IGFL2: variants seen among roughly 807,000 people sequenced by gnomAD.
IGFL2 encodes the protein IGF like family member 2.
IGFL2 carries 7 observed loss-of-function variants against 13.9 expected under a neutral mutation model. The observed-to-expected ratio is 0.51, with a 90% CI of 0.29 to 0.95. IGFL2 has a LOEUF of 0.95. Ranked by LOEUF, IGFL2 falls within the 40% of genes least tolerant of loss-of-function variation. The probability of loss-of-function intolerance (pLI) is 0.08; values close to 1 mark genes in which losing one functional copy is unlikely to be tolerated. For missense variants in IGFL2, 138 were observed against 147.8 expected, an observed-to-expected ratio of 0.93 and a Z score of 0.34; for synonymous variants, 55 against 55.8, an observed-to-expected ratio of 0.99 and a Z score of 0.07.
At chr19:46,136,441 T>TA in the IGFL2 span, among the ~76,000 whole-genome samples, 1 of 152,022 alleles carries the variant, frequency 6.6e-6, no homozygotes, top group Admixed American at 6.5e-5. Flanking sequence ...TTGCACAGTG[T>TA]AAAAAAATAA....
chr19:46,094,359 T>G, the IGFL2 span, among the ~76,000 whole-genome samples: 1 of 152,128 alleles, frequency 6.6e-6, no homozygotes, highest in African/African-American at 2.4e-5. Flanking sequence ...AAAAAAATAT[T>G]TAGATTGATT....
chr19:46,184,512 T>A, the IGFL2 span, among the ~76,000 whole-genome samples: 13 of 152,300 alleles, frequency 8.5e-5, no homozygotes, highest in Admixed American at 3.3e-4. Flanking sequence ...AGTGAGAACA[T>A]GCAGTGTTTA....
chr19:46,171,671 A>G, the IGFL2 span, among the ~76,000 whole-genome samples: 2 of 152,172 alleles, frequency 1.3e-5, no homozygotes, highest in Non-Finnish European at 2.9e-5. Flanking sequence ...CCATAGGTCT[A>G]GTCTATTGTT....
the IGFL2 span, among the ~76,000 whole-genome samples, chr19:46,133,374 A>G: frequency 6.6e-6 from 1 of 152,196 alleles, no homozygotes; most frequent in African/African-American, 2.4e-5. Context: ...ATGCCACCCT[A>G]CTGCTGTGTC....
the IGFL2 span, among the ~76,000 whole-genome samples, chr19:46,083,716 G>A: frequency 6.6e-6 from 1 of 152,140 alleles, no homozygotes; most frequent in African/African-American, 2.4e-5. Context: ...ACAAAGAGTG[G>A]GAGGAGAGAA....
At chr19:46,163,789 C>T (rs1399862062), downstream of IGFL2, 1 of 152,420 alleles carries the variant, frequency 6.6e-6, no homozygotes, top group African/African-American at 2.4e-5. Context: ...AGTCTGTCCT[C>T]TTTTCTGTAG....
chr19:46,124,641 T>A, the IGFL2 span: 4 of 1,609,230 alleles, frequency 2.5e-6, 1 homozygote, highest in African/African-American at 5.4e-5. Flanking sequence ...TGCAGCATCG[T>A]GGCCTCATGC....
At chr19:46,097,352 C>G in the IGFL2 span, among the ~76,000 whole-genome samples, 2 of 152,114 alleles carry the variant, frequency 1.3e-5, no homozygotes, top group Non-Finnish European at 2.9e-5. Flanking sequence ...TCTGCAGGGT[C>G]AGTGGTGCTA....
chr19:46,123,483 G>A, the IGFL2 span, among the ~76,000 whole-genome samples: 1 of 150,778 alleles, frequency 6.6e-6, no homozygotes, highest in African/African-American at 2.5e-5. Flanking sequence ...AAACAAAAAA[G>A]CCACTTTTGA....
At chr19:46,093,683 A>G in the IGFL2 span, among the ~76,000 whole-genome samples, 2 of 152,222 alleles carry the variant, frequency 1.3e-5, no homozygotes, top group Non-Finnish European at 2.9e-5. Context: ...TAGGTTAGCA[A>G]GTTCACAGAC....
the IGFL2 span, among the ~76,000 whole-genome samples, chr19:46,205,817 T>TA: frequency 6.6e-6 from 1 of 152,170 alleles, no homozygotes; most frequent in Non-Finnish European, 1.5e-5. Flanking sequence ...AGTGGGCCGT[T>TA]AAACACGTGG....
At chr19:46,082,621 G>T in the IGFL2 span, among the ~76,000 whole-genome samples, 1 of 151,644 alleles carries the variant, frequency 6.6e-6, no homozygotes, top group Non-Finnish European at 1.5e-5. Flanking sequence ...ACTGTTAACT[G>T]TGTCTCCATT....
At chr19:46,182,380 A>G in the IGFL2 span, among the ~76,000 whole-genome samples, 670 of 151,994 alleles carry the variant, frequency 4.4e-3, 4 homozygotes, top group Admixed American at 0.011. Flanking sequence ...AAAAAAAAAA[A>G]AAAAAAAAAA....
chr19:46,149,685 C>T (rs573056689), intron 1 of IGFL2, among the ~76,000 whole-genome samples: 62 of 152,102 alleles, frequency 4.1e-4, no homozygotes, highest in South Asian at 1.9e-3. Context: ...CAAGGCATAT[C>T]CCCATTATAG....
At chr19:46,166,453 G>A in the IGFL2 span, among the ~76,000 whole-genome samples, 1 of 152,176 alleles carries the variant, frequency 6.6e-6, no homozygotes, top group African/African-American at 2.4e-5. Context: ...GAGGCAGGGC[G>A]AGATCACAGG....
chr19:46,215,230 A>G, the IGFL2 span, among the ~76,000 whole-genome samples: 1 of 152,204 alleles, frequency 6.6e-6, no homozygotes, highest in Non-Finnish European at 1.5e-5. Context: ...ATTAATGATT[A>G]TGGTGAATTT....
the IGFL2 span, among the ~76,000 whole-genome samples, chr19:46,127,257 G>A: frequency 2.0e-5 from 3 of 152,222 alleles, no homozygotes; most frequent in East Asian, 1.9e-4. Flanking sequence ...GGGCATGGTG[G>A]TACATGCCTG....
At chr19:46,161,306 G>T, downstream of IGFL2, 4 of 374,296 alleles carry the variant, frequency 1.1e-5, no homozygotes, top group Non-Finnish European at 1.9e-5. Flanking sequence ...TGTACCCAAT[G>T]TCGTCTCCTT....
the IGFL2 span, among the ~76,000 whole-genome samples, chr19:46,175,990 A>G: frequency 4.2e-5 from 6 of 142,538 alleles, no homozygotes; most frequent in African/African-American, 1.3e-4. Flanking sequence ...TTACAGGTGC[A>G]TGCCACTACG....
Sources: allele counts gnomAD v4.1 joint callset (sites outside exome capture counted in the v4.1 genomes callset), GRCh38; gene constraint gnomAD v4.1.1; transcripts MANE v1.5; gene names NCBI Gene and HGNC (gene_info 2026-07-23, HGNC 2026-07-21).